Variants in PYROXD1 observed in about 807,000 individuals in gnomAD.
PYROXD1 encodes the protein pyridine nucleotide-disulphide oxidoreductase domain 1, also known as tRNA ligase complex-associated NAD(P)H dehydrogenase PYROXD1.
In PYROXD1, 42 loss-of-function variants were observed where a neutral mutation model predicts 62.0. That is an observed-to-expected ratio of 0.68 (90% CI 0.53 to 0.88). The LOEUF is 0.88. PYROXD1 is among the 40% of genes least tolerant of loss of function. PYROXD1 has a pLI of 0.00. For synonymous variants in PYROXD1, 170 were observed against 206.4 expected (o/e 0.82, Z 1.51); for missense variants, 493 against 604.8 (o/e 0.82, Z 1.94).
chr12:21,466,129 A>T (rs2137289631), intron 10 of PYROXD1, among the ~76,000 whole-genome samples: 1 of 151,752 alleles, frequency 6.6e-6, no homozygotes, highest in South Asian at 2.1e-4. Context: ...CTTTTGGCTT[A>T]GGATTGACTT....
rs1942938964 is a variant in PYROXD1, at chr12:21,471,014, A to C, written c.*2260A>C. 2.5e-6 allele frequency: 4 copies of C among 1,596,824 alleles called. No homozygotes were observed. The highest frequency in any genetic ancestry group is 3.4e-6 in the Non-Finnish European group (4 of 1,173,572). On this transcript the variant is annotated 3_prime_UTR_variant, in exon 12 of 12. Coordinates refer to ENST00000240651, the MANE Select transcript of PYROXD1 (RefSeq NM_024854.5). ...ACTTTGTCACTTGCATAGTAATAGC[A>C]TGTGCCTCATTGTTCAGAAGATTAG...
chr12:21,456,296 G>A (rs1216346828), intron 7 of PYROXD1, among the ~76,000 whole-genome samples: 1 of 152,052 alleles, frequency 6.6e-6, no homozygotes, highest in Non-Finnish European at 1.5e-5. Flanking sequence ...TCGAAGACTG[G>A]ATCTCAGCCT....
chr12:21,443,870 G>T (rs1387719907), intron 2 of PYROXD1, among the ~76,000 whole-genome samples: 1 of 152,114 alleles, frequency 6.6e-6, no homozygotes, highest in African/African-American at 2.4e-5. Flanking sequence ...TAGTACTTAG[G>T]TATAGCCAAA....
intron 10 of PYROXD1, chr12:21,467,150 T>C (rs565377730): frequency 5.5e-6 from 1 of 181,296 alleles, no homozygotes; most frequent in Non-Finnish European, 1.1e-5. Flanking sequence ...TCTCTGTTAA[T>C]GGTGATGACA....
intron 1 of PYROXD1, chr12:21,438,432 C>T (rs1424956422): frequency 6.6e-6 from 1 of 152,304 alleles, no homozygotes; most frequent in Non-Finnish European, 1.5e-5. Context: ...AGCCACAGCA[C>T]CCGGCCCTCA....
At chr12:21,467,346 G>T in intron 10 of PYROXD1, 135 bp from the exon 11 acceptor site, 2 of 721,756 alleles carry the variant, frequency 2.8e-6, no homozygotes, top group South Asian at 2.4e-5. Context: ...GTTATCCATT[G>T]GTGACTGCTT....
At chr12:21,438,102 TTG>T (rs1373228519) in intron 1 of PYROXD1, 3 of 397,208 alleles carry the variant, frequency 7.6e-6, no homozygotes, top group Non-Finnish European at 1.3e-5. Flanking sequence ...CATGAGGACT[TTG>T]TATTTAGACA....
At chr12:21,453,363 A>T (rs1276454363) in intron 5 of PYROXD1, among the ~76,000 whole-genome samples, 5 of 152,182 alleles carry the variant, frequency 3.3e-5, no homozygotes, top group Admixed American at 6.5e-5. Flanking sequence ...ACATAATGTT[A>T]TTCTCTGACT....
intron 4 of PYROXD1, among the ~76,000 whole-genome samples, chr12:21,450,580 T>C (rs1398820619): frequency 1.3e-5 from 2 of 152,202 alleles, no homozygotes; most frequent in East Asian, 3.9e-4. Context: ...TTAACCCTTA[T>C]TGCCAAGAAG....
At chr12:21,460,106 T>C (rs1229382270) in intron 7 of PYROXD1, among the ~76,000 whole-genome samples, 1 of 152,186 alleles carries the variant, frequency 6.6e-6, no homozygotes, top group East Asian at 1.9e-4. Flanking sequence ...TTCGTTACTT[T>C]GTGTGATTTC....
Position 21,445,337 on chromosome 12 carries a change from A to G in PYROXD1, c.166-10A>G, listed in dbSNP as rs543273840. 6.0e-4 allele frequency: 946 copies of G among 1,570,964 alleles called. 16 individuals carry two copies. The South Asian group carries it at 0.011, about 18-fold the overall frequency. On this transcript the variant is annotated splice_polypyrimidine_tract_variant and intron_variant, in intron 2 of 11. Transcript: ENST00000240651. ...AAAATATACATTTTTAATCTCTTGG[A>G]TCTATACAGATTTCTAAAATATTGG...
chr12:21,438,960 G>A (rs1942246234), intron 1 of PYROXD1, among the ~76,000 whole-genome samples: 1 of 152,170 alleles, frequency 6.6e-6, no homozygotes, highest in Admixed American at 6.5e-5. Context: ...AGATATCAAC[G>A]GTTATCTTAG....
intron 7 of PYROXD1, 124 bp from the exon 8 acceptor site, chr12:21,460,901 C>A: frequency 1.7e-6 from 1 of 603,382 alleles, no homozygotes. Flanking sequence ...AATGTGGTTT[C>A]ATTTATATTA....
At chr12:21,454,506 G>A (rs930688686) in intron 5 of PYROXD1, among the ~76,000 whole-genome samples, 2 of 151,912 alleles carry the variant, frequency 1.3e-5, no homozygotes, top group Non-Finnish European at 2.9e-5. Flanking sequence ...TCTAAACCTA[G>A]AATAAAATAT....
chr12:21,459,437 C>T (rs1942655250), intron 7 of PYROXD1, among the ~76,000 whole-genome samples: 1 of 152,152 alleles, frequency 6.6e-6, no homozygotes, highest in African/African-American at 2.4e-5. Flanking sequence ...TTCGTGACAT[C>T]CTTGATAATA....
At chr12:21,446,311 C>G (rs1001424470) in intron 3 of PYROXD1, among the ~76,000 whole-genome samples, 1 of 114,666 alleles carries the variant, frequency 8.7e-6, no homozygotes, top group African/African-American at 3.3e-5. Flanking sequence ...TTAGTCCCAG[C>G]TACTCGGGAG....
chr12:21,471,154 A>G lies in PYROXD1; in HGVS notation c.*2400A>G. ...GCTTTTGAAGGAATCACGGAAAACAAATTTATAAAAGAAATAACTATATGC... is the reference window on the plus strand; with the variant it reads ...GCTTTTGAAGGAATCACGGAAAACAGATTTATAAAAGAAATAACTATATGC... On this transcript the variant is annotated 3_prime_UTR_variant, in exon 12 of 12. Transcript: ENST00000240651. The G allele has an allele frequency of 6.7e-7, 1 of 1,488,632 alleles. No homozygotes were observed. Among genetic ancestry groups the G allele is most frequent in the South Asian group, 1.4e-5 (1 of 72,590 alleles). The allele number at this position is 1,488,632 out of a possible 1,614,324, so 92.2% of individuals were successfully genotyped here. A position where few individuals can be genotyped will look rare whatever the true frequency, so the allele number is the denominator to read the frequency against.
intron 10 of PYROXD1, among the ~76,000 whole-genome samples, chr12:21,464,331 C>T (rs1466099118): frequency 2.0e-5 from 3 of 151,958 alleles, no homozygotes; most frequent in Non-Finnish European, 4.4e-5. Flanking sequence ...TTTCCGGCCA[C>T]TTGTATTAGC....
In PYROXD1 at chr12:21,456,115, T is replaced by C; in HGVS notation, c.750+20T>C. On this transcript the variant is annotated intron_variant, in intron 7 of 11. Transcript: ENST00000240651. ...AAAGAGGTATCTTTTCATATACTAA[T>C]TGGTCATGTCTAAATGTAATTTTAA... 1 of 1,393,418 alleles carries C rather than the reference T, an allele frequency of 7.2e-7. No individual in the cohort carries two copies. The highest frequency in any genetic ancestry group is 1.4e-5 in the African/African-American group (1 of 69,756). The allele number at this position is 1,393,418 out of a possible 1,614,324, so 86.3% of individuals were successfully genotyped here. A position where few individuals can be genotyped will look rare whatever the true frequency, so the allele number is the denominator to read the frequency against.
Sources: gnomAD v4.1 joint callset for allele counts (sites outside exome capture counted in the v4.1 genomes callset) on GRCh38, gnomAD v4.1.1 for gene constraint, MANE v1.5 for transcripts, NCBI Gene and HGNC (gene_info 2026-07-23, HGNC 2026-07-21) for gene names.